Variants in C2CD2L observed in about 807,000 individuals in gnomAD.
The protein encoded by C2CD2L is phospholipid transfer protein C2CD2L.
C2CD2L carries 24 observed loss-of-function variants against 69.9 expected under a neutral mutation model. The observed-to-expected ratio is 0.34, with a 90% CI of 0.25 to 0.48. C2CD2L has a LOEUF of 0.48. Ranked by LOEUF, C2CD2L falls within the 20% of genes least tolerant of loss-of-function variation. C2CD2L has a pLI of 0.99. For synonymous variants in C2CD2L, 367 were observed against 391.0 expected (o/e 0.94, Z 0.72); for missense variants, 811 against 941.5 (o/e 0.86, Z 1.81).
chr11:119,108,502 G>T (rs561207624), intron 1 of C2CD2L, among the ~76,000 whole-genome samples: 2 of 152,228 alleles, frequency 1.3e-5, no homozygotes, highest in African/African-American at 4.8e-5. Context: ...CCCTGGTGTG[G>T]TCAGGCAGAT....
At chr11:119,111,661 C>A in intron 7 of C2CD2L, 32 bp downstream of exon 7, 1 of 1,469,292 alleles carries the variant, frequency 6.8e-7, no homozygotes, top group Non-Finnish European at 9.5e-7. Context: ...ACCCCATGCT[C>A]CAGAGCAGAG....
Position 119,111,154 on chromosome 11 carries a change from G to A in C2CD2L, c.784G>A (p.Ala262Thr), listed in dbSNP as rs758193697. The A allele has an allele frequency of 6.2e-7, 1 of 1,613,748 alleles. No homozygotes were observed. Among genetic ancestry groups the A allele is most frequent in the African/African-American group, 1.3e-5 (1 of 75,032 alleles). The stretch of plus-strand genomic sequence containing the variant: ...GATGGTCAACCTCAGGGCTTGCTCT[G>A]CCCCAGGAGGCCTGGTGAGTTGGCA... The part of the protein sequence containing the change: ...AMMVNLRACS[A>T]PGGLVPSEKP... The change falls in exon 5 of 14, where the codon GCC (alanine) becomes ACC (threonine). Residue 262 changes from alanine (A) to threonine (T), a missense_variant. Ala to Thr is a moderately conservative substitution (Grantham distance 58). Coordinates refer to ENST00000648610, the MANE Select transcript of C2CD2L (RefSeq NM_001290474.2).
chr11:119,110,349 T>C lies in C2CD2L; in HGVS notation c.450+150T>C, dbSNP rs1001610741. On this transcript the variant is annotated intron_variant, in intron 2 of 13. Transcript: ENST00000648610. This position sits in a 1 kb window ranked among gnomAD's most constrained non-coding sequence, Gnocchi z 5.7. ...AGGAAGTCTGAGAATCCCATTGAAG[T>C]TATGTGCAAAATGTTGGATGTGTGT... is the stretch of plus-strand genomic sequence containing the variant. 1.2e-6 allele frequency: 1 copy of C among 800,106 alleles called. No individual in the cohort carries two copies. 49.6% of individuals were successfully genotyped at this position (800,106 alleles called of 1,614,324 possible).
chr11:119,113,863 C>T lies in C2CD2L; in HGVS notation c.1498C>T (p.His500Tyr). The T allele has an allele frequency of 1.2e-6, 2 of 1,614,158 alleles. No individual in the cohort carries two copies. The highest frequency in any genetic ancestry group is 1.7e-6 in the Non-Finnish European group (2 of 1,179,996). The change falls in exon 12 of 14, where the codon CAC becomes TAC. Residue 500 changes from histidine (H) to tyrosine (Y), a missense_variant. His to Tyr is a moderately conservative substitution (Grantham distance 83). Transcript: ENST00000648610. ...CTCTGCACCCCTAGCAGGGGACAGC[C>T]ACCTTTCCAACGGCTTGGACCCTGT... is the stretch of plus-strand genomic sequence containing the variant. Reference protein sequence around the residue: ...NTSHSSSRDSHLSNGLDPVAE... With the variant: ...NTSHSSSRDSYLSNGLDPVAE...
chr11:119,110,822 C>G lies in C2CD2L; in HGVS notation c.571-25C>G. 6.2e-7 allele frequency: 1 copy of G among 1,612,492 alleles called. No homozygotes were observed. Among genetic ancestry groups the G allele is most frequent in the Non-Finnish European group, 8.5e-7 (1 of 1,178,862 alleles). ...CCTTGGGTAAATGGGGCAAGTCAGC[C>G]CAGTCACTTTGTTCCTGTCTGTAGT... is the stretch of plus-strand genomic sequence containing the variant. On this transcript the variant is annotated intron_variant, in intron 3 of 13. Transcript: ENST00000648610. The surrounding 1 kb of genome is among the most constrained non-coding windows in gnomAD (Gnocchi z 5.7).
At position 119,116,123 on chromosome 11, in the gene C2CD2L, A is replaced by ACTTG. The variant is rs1946884160; in HGVS notation, c.1989_1990insTTGC (p.Asp664LeufsTer3). 1 of 1,614,080 alleles carries ACTTG rather than the reference A, an allele frequency of 6.2e-7. No homozygotes were observed. The highest frequency in any genetic ancestry group is 1.3e-5 in the African/African-American group (1 of 74,936). Reference sequence around the variant, plus strand: ...AAGGAAGCTGGCCTGAGCCAATCACACGATGACCTCTCCAACGCAACGGCC... The same window carrying ACTTG: ...AAGGAAGCTGGCCTGAGCCAATCACACTTGCGATGACCTCTCCAACGCAACGGCC... On this transcript the variant is annotated frameshift_variant, in exon 14 of 14. Coordinates refer to ENST00000648610, the MANE Select transcript of C2CD2L (RefSeq NM_001290474.2). LOFTEE classifies it high-confidence loss of function.
At position 119,112,694 on chromosome 11, in the gene C2CD2L, G is replaced by T; in HGVS notation, c.1213-6G>T. 6.2e-7 allele frequency: 1 copy of T among 1,612,906 alleles called. No homozygotes were observed. ...TCTGTCTCTTCTCTCTCCCACCCCT[G>T]GGCAGCTTCACTATGAGGAGGGCTC... is the stretch of plus-strand genomic sequence containing the variant. On this transcript the variant is annotated splice_polypyrimidine_tract_variant and splice_region_variant and intron_variant, in intron 9 of 13. Transcript: ENST00000648610.
Position 119,110,725 on chromosome 11 carries a change from T to C in C2CD2L, c.570+45T>C. On this transcript the variant is annotated intron_variant, in intron 3 of 13. Coordinates refer to ENST00000648610, the MANE Select transcript of C2CD2L (RefSeq NM_001290474.2). The surrounding 1 kb of genome is among the most constrained non-coding windows in gnomAD (Gnocchi z 5.7). Reference sequence around the variant, plus strand: ...ACTGAGTTGGGCAGGGGCGGTTCCATTGGCTCAGCTTCTTCCATTTGTTTC... The same window carrying C: ...ACTGAGTTGGGCAGGGGCGGTTCCACTGGCTCAGCTTCTTCCATTTGTTTC... 6.2e-7 allele frequency: 1 copy of C among 1,610,484 alleles called. No individual in the cohort carries two copies. Among genetic ancestry groups the C allele is most frequent in the African/African-American group, 1.3e-5 (1 of 74,988 alleles).
chr11:119,105,548 G>C (rs539330284), upstream of C2CD2L, among the ~76,000 whole-genome samples: 1 of 152,040 alleles, frequency 6.6e-6, no homozygotes, highest in African/African-American at 2.4e-5. Flanking sequence ...GCTGAGGCAG[G>C]AGAATCACTC....
rs1257383281 is a variant in C2CD2L, at chr11:119,110,342, A to G, written c.450+143A>G. 2 of 804,360 alleles carry G rather than the reference A, an allele frequency of 2.5e-6. No homozygotes were observed. Among genetic ancestry groups the G allele is most frequent in the African/African-American group, 3.5e-5 (2 of 57,730 alleles). 49.8% of individuals were successfully genotyped at this position (804,360 alleles called of 1,614,324 possible). A position where few individuals can be genotyped will look rare whatever the true frequency, so the allele number is the denominator to read the frequency against. ...TGGTTTCAGGAAGTCTGAGAATCCCATTGAAGTTATGTGCAAAATGTTGGA... is the reference window on the plus strand; with the variant it reads ...TGGTTTCAGGAAGTCTGAGAATCCCGTTGAAGTTATGTGCAAAATGTTGGA... On this transcript the variant is annotated intron_variant, in intron 2 of 13. Transcript: ENST00000648610. This position sits in a 1 kb window ranked among gnomAD's most constrained non-coding sequence, Gnocchi z 5.7.
Position 119,110,056 on chromosome 11 carries a change from G to A in C2CD2L, c.355-48G>A, listed in dbSNP as rs750749347. 1.4e-6 allele frequency: 2 copies of A among 1,381,460 alleles called. No individual in the cohort carries two copies. Among genetic ancestry groups the A allele is most frequent in the Non-Finnish European group, 2.1e-6 (2 of 968,208 alleles). The allele number at this position is 1,381,460 out of a possible 1,614,324, so 85.6% of individuals were successfully genotyped here. A position where few individuals can be genotyped will look rare whatever the true frequency, so the allele number is the denominator to read the frequency against. On this transcript the variant is annotated intron_variant, in intron 1 of 13. Coordinates refer to ENST00000648610, the MANE Select transcript of C2CD2L (RefSeq NM_001290474.2). The surrounding 1 kb of genome is among the most constrained non-coding windows in gnomAD (Gnocchi z 5.7). ...CAGCAACTGAGCAGGCCAACCCTGT[G>A]GGGGGCAGCTCCAGAGACCTGATCC...
chr11:119,110,584 T>A lies in C2CD2L; in HGVS notation c.474T>A (p.Ala158=), dbSNP rs756471104. ...AGGTGCTGCGTTGCCAGCTCTCTGC[T>A]GAGGAGGTGCGGTTCCCAGTCTCTG... ...HTMVLRCQLS[A]EEVRFPVSVT... is the part of the protein sequence containing the mutation. The change falls in exon 3 of 14, where the codon GCT becomes GCA. Residue 158 remains alanine (A), a synonymous_variant. Transcript: ENST00000648610. This position sits in a 1 kb window ranked among gnomAD's most constrained non-coding sequence, Gnocchi z 5.7. The A allele has an allele frequency of 1.5e-5, 24 of 1,610,054 alleles. No homozygotes were observed. Among genetic ancestry groups the A allele is most frequent in the Non-Finnish European group, 1.9e-5 (22 of 1,179,302 alleles).
Position 119,110,052 on chromosome 11 carries a change from C to A in C2CD2L, c.355-52C>A, listed in dbSNP as rs1010800101. The A allele has an allele frequency of 1.5e-6, 2 of 1,360,204 alleles. No individual in the cohort carries two copies. The highest frequency in any genetic ancestry group is 2.1e-6 in the Non-Finnish European group (2 of 948,598). The allele number at this position is 1,360,204 out of a possible 1,614,324, so 84.3% of individuals were successfully genotyped here. A position where few individuals can be genotyped will look rare whatever the true frequency, so the allele number is the denominator to read the frequency against. On this transcript the variant is annotated intron_variant, in intron 1 of 13. Coordinates refer to ENST00000648610, the MANE Select transcript of C2CD2L (RefSeq NM_001290474.2). This position sits in a 1 kb window ranked among gnomAD's most constrained non-coding sequence, Gnocchi z 5.7. ...CAGCCAGCAACTGAGCAGGCCAACC[C>A]TGTGGGGGGCAGCTCCAGAGACCTG...
chr11:119,108,177 A>G lies in C2CD2L; in HGVS notation c.354+82A>G, dbSNP rs548472320. ...CTGACTGCTCGTGCTAGGAGGCCAG[A>G]CGAGGGTGGGCATAAACTGGGGAAC... On this transcript the variant is annotated intron_variant, in intron 1 of 13. Transcript: ENST00000648610. 45 of 933,694 alleles carry G rather than the reference A, an allele frequency of 4.8e-5. No individual in the cohort carries two copies. The South Asian group carries it at 6.8e-4, about 14-fold the overall frequency. The allele number at this position is 933,694 out of a possible 1,614,324, so 57.8% of individuals were successfully genotyped here. A position where few individuals can be genotyped will look rare whatever the true frequency, so the allele number is the denominator to read the frequency against.
chr11:119,112,196 G>A, intron 7 of C2CD2L, 132 bp from the exon 8 acceptor site: 1 of 768,982 alleles, frequency 1.3e-6, no homozygotes, highest in South Asian at 1.8e-5. Flanking sequence ...TGGAGGCCAG[G>A]AGAATCTGAT....
intron 10 of C2CD2L, 146 bp downstream of exon 10, chr11:119,113,020 C>A: frequency 1.5e-6 from 1 of 673,172 alleles, no homozygotes. Context: ...ATCTTCCTCC[C>A]AATCTTTGTC....
Position 119,114,398 on chromosome 11 carries a change from CTTCTT to C in C2CD2L, c.1909+36_1909+40del. 2 of 1,605,340 alleles carry C rather than the reference CTTCTT, an allele frequency of 1.2e-6. No homozygotes were observed. The highest frequency in any genetic ancestry group is 1.7e-6 in the Non-Finnish European group (2 of 1,174,278). Reference sequence around the variant, plus strand: ...GACGTTGGCAGGGTGCCCCTCATCTCTTCTTTTATACACATATCATGACCTGGGGG... The same window carrying C: ...GACGTTGGCAGGGTGCCCCTCATCTCTTATACACATATCATGACCTGGGGG... On this transcript the variant is annotated intron_variant, in intron 13 of 13. Coordinates refer to ENST00000648610, the MANE Select transcript of C2CD2L (RefSeq NM_001290474.2). This position sits in a 1 kb window ranked among gnomAD's most constrained non-coding sequence, Gnocchi z 5.1.
At position 119,114,629 on chromosome 11, in the gene C2CD2L, C is replaced by A; in HGVS notation, c.1909+264C>A. 2.2e-6 allele frequency: 1 copy of A among 448,636 alleles called. No individual in the cohort carries two copies. The highest frequency in any genetic ancestry group is 3.7e-5 in the East Asian group (1 of 27,206). 27.8% of individuals were successfully genotyped at this position (448,636 alleles called of 1,614,324 possible). A position where few individuals can be genotyped will look rare whatever the true frequency, so the allele number is the denominator to read the frequency against. The stretch of plus-strand genomic sequence containing the variant: ...TTCCTGAGTCTAAGTGCCATTTTTC[C>A]TGCCCTTTAAAAAAAAATTATAAAA... On this transcript the variant is annotated intron_variant, in intron 13 of 13. Transcript: ENST00000648610. This position sits in a 1 kb window ranked among gnomAD's most constrained non-coding sequence, Gnocchi z 5.1.
At chr11:119,104,623 C>T (rs1003495479), upstream of C2CD2L, among the ~76,000 whole-genome samples, 2 of 152,176 alleles carry the variant, frequency 1.3e-5, no homozygotes, top group Non-Finnish European at 2.9e-5. Context: ...AAGTTCAAAG[C>T]GTTTTCCTGA....
Sources: gnomAD v4.1 joint callset for allele counts (sites outside exome capture counted in the v4.1 genomes callset) on GRCh38, gnomAD v4.1.1 for gene constraint, Gnocchi (gnomAD v3.1) non-coding constraint, MANE v1.5 for transcripts, NCBI Gene and HGNC (gene_info 2026-07-23, HGNC 2026-07-21) for gene names.